SORCS2: variants seen among roughly 807,000 people sequenced by gnomAD.
SORCS2 encodes the protein sortilin related VPS10 domain containing receptor 2, also known as VPS10 domain-containing receptor SorCS2.
SORCS2 carries 100 observed loss-of-function variants against 141.6 expected under a neutral mutation model. The observed-to-expected ratio is 0.71, with a 90% confidence interval of 0.60 to 0.83. The LOEUF is 0.83. SORCS2 is among the 40% of genes least tolerant of loss of function. The pLI is 0.00. For synonymous variants in SORCS2, 789 were observed against 676.9 expected (o/e 1.17, Z -2.57); for missense variants, 1,646 against 1,560.2 (o/e 1.05, Z -0.93).
chr4:7,360,434 T>A (rs1244715773), intron 1 of SORCS2, among the ~76,000 whole-genome samples: 1 of 151,950 alleles, frequency 6.6e-6, no homozygotes, highest in East Asian at 1.9e-4. Flanking sequence ...GACCGGAGCT[T>A]AGGCCCCTGT....
intron 3 of SORCS2, among the ~76,000 whole-genome samples, chr4:7,551,241 A>G (rs1299125897): frequency 6.6e-6 from 1 of 152,070 alleles, no homozygotes; most frequent in African/African-American, 2.4e-5. Context: ...TGCAAATAAA[A>G]GGATTGCTTT....
At chr4:7,381,018 G>C (rs542363136) in intron 1 of SORCS2, among the ~76,000 whole-genome samples, 72 of 147,090 alleles carry the variant, frequency 4.9e-4, no homozygotes, top group Non-Finnish European at 8.6e-4. Context: ...GGAGGCAGAG[G>C]TTTCAGTGAG....
chr4:7,357,154 G>T (rs528818291), intron 1 of SORCS2, among the ~76,000 whole-genome samples: 9 of 152,106 alleles, frequency 5.9e-5, no homozygotes, highest in African/African-American at 1.9e-4. Context: ...TCCTCCACCC[G>T]TGACCTTGAG....
chr4:7,300,312 G>A (rs1408805392), intron 1 of SORCS2, among the ~76,000 whole-genome samples: 1 of 152,152 alleles, frequency 6.6e-6, no homozygotes, highest in Non-Finnish European at 1.5e-5. Context: ...AGAAAAGCGG[G>A]CGGAGGGTGG....
chr4:7,676,286 C>G (rs1723103622), intron 9 of SORCS2, 57 bp downstream of exon 9: 2 of 1,508,066 alleles, frequency 1.3e-6, no homozygotes, highest in South Asian at 1.2e-5. Context: ...CCTCTGCCCT[C>G]TCACCCCACC....
At chr4:7,535,680 G>A (rs887103182) in intron 3 of SORCS2, among the ~76,000 whole-genome samples, 1 of 152,222 alleles carries the variant, frequency 6.6e-6, no homozygotes, top group Non-Finnish European at 1.5e-5. Flanking sequence ...CTCCTGGCCA[G>A]CCATCTGAGA....
rs547734906 is a variant in SORCS2, at chr4:7,217,225, AC to A, written c.480+24104del. ...CGCCCGGCCTGGAACCTTCCATCTCACCCCCGCCTTTCTGGCGCTTGCCCCA... is the reference window on the plus strand; with the variant it reads ...CGCCCGGCCTGGAACCTTCCATCTCACCCCGCCTTTCTGGCGCTTGCCCCA... On this transcript the variant is annotated intron_variant, in intron 1 of 26. Transcript: ENST00000507866. Among the ~76,000 whole-genome samples, 32 of 149,772 alleles carry A rather than the reference AC, an allele frequency of 2.1e-4. No individual in the cohort carries two copies. The East Asian group carries it at 6.3e-3, about 29-fold the overall frequency.
At chr4:7,676,267 A>G in intron 9 of SORCS2, 38 bp downstream of exon 9, 1 of 1,530,028 alleles carries the variant, frequency 6.5e-7, no homozygotes, top group Non-Finnish European at 8.8e-7. Flanking sequence ...TCTGCCGCCG[A>G]CCCCCTGCCC....
intron 16 of SORCS2, among the ~76,000 whole-genome samples, chr4:7,714,659 T>C (rs1726067866): frequency 6.6e-6 from 1 of 152,198 alleles, no homozygotes; most frequent in African/African-American, 2.4e-5. Flanking sequence ...TCAGGGCATC[T>C]TGGGGACGTG....
intron 12 of SORCS2, among the ~76,000 whole-genome samples, chr4:7,698,852 G>GA (rs1724872676): frequency 1.0e-5 from 1 of 99,634 alleles, no homozygotes; most frequent in Non-Finnish European, 2.0e-5. Flanking sequence ...TGCTCCTGTG[G>GA]GTTTTTTTTT....
chr4:7,647,880 G>A (rs910708503), intron 4 of SORCS2, among the ~76,000 whole-genome samples: 3 of 152,248 alleles, frequency 2.0e-5, no homozygotes, highest in East Asian at 1.9e-4. Flanking sequence ...TGTTCATCTC[G>A]ACTCTGAAGC....
chr4:7,614,249 T>C (rs1718608308), intron 3 of SORCS2, among the ~76,000 whole-genome samples: 1 of 147,210 alleles, frequency 6.8e-6, no homozygotes, highest in Non-Finnish European at 1.5e-5. Context: ...CACCTATCCG[T>C]CCACCCATCC....
intron 1 of SORCS2, among the ~76,000 whole-genome samples, chr4:7,322,970 CCG>C (rs1718993502): frequency 1.6e-5 from 1 of 60,714 alleles, no homozygotes; most frequent in Non-Finnish European, 2.9e-5. Flanking sequence ...ACGGCCCTGC[CCG>C]TTTTTTATCT....
At chr4:7,276,995 G>T (rs1454641953) in intron 1 of SORCS2, among the ~76,000 whole-genome samples, 3 of 152,190 alleles carry the variant, frequency 2.0e-5, no homozygotes, top group African/African-American at 7.2e-5. Context: ...TGACCCTGTA[G>T]CTGTTTCCTG....
At chr4:7,207,966 CG>C (rs1236346404) in intron 1 of SORCS2, among the ~76,000 whole-genome samples, 1 of 152,146 alleles carries the variant, frequency 6.6e-6, no homozygotes, top group Non-Finnish European at 1.5e-5. Context: ...ATCCAAAACC[CG>C]GGAACTTCTG....
At chr4:7,587,239 G>A (rs1412472211) in intron 3 of SORCS2, among the ~76,000 whole-genome samples, 1 of 152,054 alleles carries the variant, frequency 6.6e-6, no homozygotes, top group Non-Finnish European at 1.5e-5. Flanking sequence ...GAGTTGAGGG[G>A]TTTTAGGTAA....
chr4:7,418,814 C>T (rs1725864261), intron 2 of SORCS2, among the ~76,000 whole-genome samples: 1 of 151,320 alleles, frequency 6.6e-6, no homozygotes, highest in South Asian at 2.1e-4. Flanking sequence ...TGGTTATTGA[C>T]TGGGCTCAAT....
At chr4:7,350,074 C>T (rs940675030) in intron 1 of SORCS2, among the ~76,000 whole-genome samples, 11 of 152,174 alleles carry the variant, frequency 7.2e-5, no homozygotes, top group Non-Finnish European at 1.3e-4. Flanking sequence ...CCAATGCTAG[C>T]CAAAGTCTGG....
At chr4:7,558,503 G>A (rs1242710003) in intron 3 of SORCS2, among the ~76,000 whole-genome samples, 3 of 152,196 alleles carry the variant, frequency 2.0e-5, no homozygotes, top group South Asian at 2.1e-4. Context: ...CCTGTAACAG[G>A]GGAAGAACCT....
Sources: gnomAD v4.1 joint callset for allele counts (sites outside exome capture counted in the v4.1 genomes callset) on GRCh38, gnomAD v4.1.1 for gene constraint, MANE v1.5 for transcripts, NCBI Gene and HGNC (gene_info 2026-07-23, HGNC 2026-07-21) for gene names.